The following SLC10A7 variants were observed in gnomAD, a reference collection of about 807,000 sequenced individuals.
SLC10A7 encodes the protein sodium/bile acid cotransporter 7.
A neutral mutation model predicts 43.2 loss-of-function variants in SLC10A7; 29 were observed. That is an observed-to-expected ratio of 0.67 (90% CI 0.50 to 0.92). The LOEUF is 0.92. SLC10A7 is among the 40% of genes least tolerant of loss of function. The pLI, the probability that SLC10A7 is intolerant of heterozygous loss-of-function variation, is 0.00. For synonymous variants in SLC10A7, 152 were observed against 144.8 expected, an observed-to-expected ratio of 1.05 and a Z score of -0.35; for missense variants, 295 against 403.2, an observed-to-expected ratio of 0.73 and a Z score of 2.30.
intron 7 of SLC10A7, among the ~76,000 whole-genome samples, chr4:146,304,055 T>C (rs976971616): frequency 1.3e-5 from 1 of 77,816 alleles, no homozygotes; most frequent in African/African-American, 7.1e-5. Context: ...TGGCATCCTA[T>C]GATTTCATAG....
intron 4 of SLC10A7, among the ~76,000 whole-genome samples, chr4:146,467,802 A>G (rs1037030961): frequency 3.9e-5 from 6 of 152,050 alleles, no homozygotes; most frequent in African/African-American, 9.7e-5. Flanking sequence ...ACCTCAGGTG[A>G]TTCACCTGCC....
chr4:146,376,938 A>G (rs775238238), intron 5 of SLC10A7, among the ~76,000 whole-genome samples: 5 of 152,168 alleles, frequency 3.3e-5, no homozygotes, highest in Non-Finnish European at 5.9e-5. Context: ...AGAACAAAGG[A>G]AGGAGGAAGT....
At chr4:146,471,475 T>C (rs1484795240) in intron 4 of SLC10A7, among the ~76,000 whole-genome samples, 1 of 152,212 alleles carries the variant, frequency 6.6e-6, no homozygotes, top group African/African-American at 2.4e-5. Context: ...AATGTCTATC[T>C]GAATATTTTT....
chr4:146,342,200 A>G (rs1734313488), intron 5 of SLC10A7, among the ~76,000 whole-genome samples: 1 of 151,856 alleles, frequency 6.6e-6, no homozygotes, highest in Non-Finnish European at 1.5e-5. Context: ...ATAAAAGAAT[A>G]TATAAGCACA....
At chr4:146,300,450 A>G (rs1445223221) in intron 7 of SLC10A7, among the ~76,000 whole-genome samples, 2 of 152,208 alleles carry the variant, frequency 1.3e-5, no homozygotes, top group East Asian at 3.8e-4. Context: ...CACACTCTAT[A>G]CCACTGCAGG....
At chr4:146,299,398 C>A (rs543490737) in intron 7 of SLC10A7, among the ~76,000 whole-genome samples, 1 of 152,052 alleles carries the variant, frequency 6.6e-6, no homozygotes, top group Non-Finnish European at 1.5e-5. Flanking sequence ...AAATAAAAAG[C>A]AAAACAACAA....
At chr4:146,303,376 T>C (rs1288538871) in intron 7 of SLC10A7, among the ~76,000 whole-genome samples, 1 of 77,478 alleles carries the variant, frequency 1.3e-5, no homozygotes, top group Non-Finnish European at 2.5e-5. Flanking sequence ...TTTTTCTTTC[T>C]TTTTTTTTTT....
At chr4:146,478,673 A>T (rs1012052009) in intron 4 of SLC10A7, among the ~76,000 whole-genome samples, 2 of 152,178 alleles carry the variant, frequency 1.3e-5, no homozygotes, top group Admixed American at 1.3e-4. Context: ...ATACAGTTGC[A>T]TGCTTCCCAT....
intron 5 of SLC10A7, among the ~76,000 whole-genome samples, chr4:146,348,453 G>T (rs1042204633): frequency 1.8e-4 from 28 of 152,158 alleles, no homozygotes; most frequent in Admixed American, 1.8e-3. Flanking sequence ...CTGGTGTGCT[G>T]TGTATTTAAA....
chr4:146,305,497 T>A (rs1240615043), intron 7 of SLC10A7, among the ~76,000 whole-genome samples: 1 of 150,534 alleles, frequency 6.6e-6, no homozygotes, highest in African/African-American at 2.4e-5. Flanking sequence ...GTGGGTGCAG[T>A]GCACCAGCAT....
At chr4:146,493,577 C>G (rs534908098) in intron 4 of SLC10A7, among the ~76,000 whole-genome samples, 59 of 151,798 alleles carry the variant, frequency 3.9e-4, no homozygotes, top group African/African-American at 1.3e-3. Context: ...TGGAATGGAG[C>G]TGGGATGCTT....
At chr4:146,258,445 T>A (rs1327962867) in intron 11 of SLC10A7, among the ~76,000 whole-genome samples, 1 of 152,170 alleles carries the variant, frequency 6.6e-6, no homozygotes, top group African/African-American at 2.4e-5. Context: ...ATGAATGAAT[T>A]CAAAAGAGCT....
intron 5 of SLC10A7, among the ~76,000 whole-genome samples, chr4:146,425,870 C>A (rs1729311720): frequency 6.6e-6 from 1 of 152,194 alleles, no homozygotes; most frequent in Non-Finnish European, 1.5e-5. Context: ...TTTCCAATAG[C>A]CTGATAGAAT....
intron 5 of SLC10A7, among the ~76,000 whole-genome samples, chr4:146,355,213 C>T (rs1182743335): frequency 6.6e-6 from 1 of 151,898 alleles, no homozygotes; most frequent in Non-Finnish European, 1.5e-5. Flanking sequence ...TCAACCCCAT[C>T]AAAAAGTGGG....
intron 4 of SLC10A7, among the ~76,000 whole-genome samples, chr4:146,500,308 C>A (rs1736277551): frequency 6.6e-6 from 1 of 152,128 alleles, no homozygotes; most frequent in South Asian, 2.1e-4. Context: ...AGTTAACTCA[C>A]TTTCCTCATC....
At chr4:146,267,809 G>A (rs1728653735) in intron 10 of SLC10A7, among the ~76,000 whole-genome samples, 1 of 152,128 alleles carries the variant, frequency 6.6e-6, no homozygotes, top group Non-Finnish European at 1.5e-5. Context: ...CTAGGGTTGG[G>A]TTCACTGAAT....
At chr4:146,322,616 T>C (rs556815780) in intron 6 of SLC10A7, among the ~76,000 whole-genome samples, 22 of 152,320 alleles carry the variant, frequency 1.4e-4, no homozygotes, top group Non-Finnish European at 2.9e-4. Flanking sequence ...TAATGCAGTC[T>C]ATCATTGATA....
intron 4 of SLC10A7, among the ~76,000 whole-genome samples, chr4:146,450,096 A>AAAAC (rs138415715): frequency 5.9e-5 from 9 of 151,758 alleles, no homozygotes; most frequent in Non-Finnish European, 1.2e-4. Context: ...TAGCTGAGCT[A>AAAAC]AAACAAACAA....
intron 3 of SLC10A7, among the ~76,000 whole-genome samples, chr4:146,505,692 T>C (rs1179366828): frequency 6.6e-6 from 1 of 152,206 alleles, no homozygotes. Flanking sequence ...CCATTTAATA[T>C]GGTCTTCTTT....
Sources: gnomAD v4.1 joint callset for allele counts (sites outside exome capture counted in the v4.1 genomes callset) on GRCh38, gnomAD v4.1.1 for gene constraint, MANE v1.5 for transcripts, NCBI Gene and HGNC (gene_info 2026-07-23, HGNC 2026-07-21) for gene names.